The following FGF14 variants were observed in gnomAD, a reference collection of about 807,000 sequenced individuals.
The protein encoded by FGF14 is fibroblast growth factor 14, also known as fibroblast growth factor homologous factor 4.
FGF14 carries 5 observed loss-of-function variants against 25.5 expected under a neutral mutation model. That is an observed-to-expected ratio of 0.20 (90% CI 0.10 to 0.41). The LOEUF (loss-of-function observed/expected upper bound fraction) is 0.41, where lower values mean the gene tolerates loss of function less well. Among genes scored for constraint, FGF14 ranks in the 10% least tolerant of loss-of-function variants. The probability of loss-of-function intolerance (pLI) is 1.00; values close to 1 mark genes in which losing one functional copy is unlikely to be tolerated. For missense variants in FGF14, 222 were observed against 320.1 expected (o/e 0.69, Z 2.34); for synonymous variants, 138 against 118.3 (o/e 1.17, Z -1.08).
chr13:101,853,233 C>G (rs1274699752), intron 3 of FGF14, among the ~76,000 whole-genome samples: 2 of 152,024 alleles, frequency 1.3e-5, no homozygotes, highest in Admixed American at 6.6e-5. Context: ...CCAAGACAAC[C>G]TTTCTGTCAC....
intron 1 of FGF14, among the ~76,000 whole-genome samples, chr13:102,193,223 G>A (rs548325853): frequency 3.9e-5 from 6 of 152,134 alleles, no homozygotes; most frequent in Non-Finnish European, 5.9e-5. Flanking sequence ...GCCAGGTTCT[G>A]GTGGGAGCTC....
chr13:101,799,045 G>A (rs1412272491), intron 3 of FGF14, among the ~76,000 whole-genome samples: 6 of 151,888 alleles, frequency 4.0e-5, no homozygotes, highest in African/African-American at 7.3e-5. Flanking sequence ...ATACATATAC[G>A]GTAAACACAA....
chr13:102,303,856 A>G (rs927602428), intron 1 of FGF14, among the ~76,000 whole-genome samples: 2 of 152,220 alleles, frequency 1.3e-5, no homozygotes, highest in East Asian at 3.8e-4. Context: ...AACTGCACAC[A>G]GTAGGTAAAG....
intron 1 of FGF14, among the ~76,000 whole-genome samples, chr13:101,998,065 T>C (rs933969182): frequency 9.9e-5 from 15 of 152,280 alleles, no homozygotes; most frequent in African/African-American, 3.4e-4. Context: ...TCTTTTACGA[T>C]ACTTGGAACT....
At chr13:102,276,491 G>C (rs993840871) in intron 1 of FGF14, among the ~76,000 whole-genome samples, 1 of 151,454 alleles carries the variant, frequency 6.6e-6, no homozygotes, top group African/African-American at 2.4e-5. Context: ...AATGTTCATT[G>C]CATCTGACAC....
At chr13:102,176,424 G>A (rs1025282801) in intron 1 of FGF14, among the ~76,000 whole-genome samples, 1 of 152,104 alleles carries the variant, frequency 6.6e-6, no homozygotes, top group Non-Finnish European at 1.5e-5. Context: ...CAAAGCTGAG[G>A]AGAGTAGAAG....
chr13:101,859,721 T>A (rs1195612927), intron 3 of FGF14, among the ~76,000 whole-genome samples: 3 of 152,012 alleles, frequency 2.0e-5, no homozygotes, highest in Non-Finnish European at 4.4e-5. Context: ...TGGGCCCATA[T>A]GGGAACAACC....
intron 1 of FGF14, among the ~76,000 whole-genome samples, chr13:102,161,627 AG>A (rs1339183195): frequency 4.8e-5 from 1 of 20,846 alleles, no homozygotes; most frequent in African/African-American, 4.6e-4. Context: ...AAGAAGAAGA[AG>A]AAGAAGAAGA....
intron 1 of FGF14, among the ~76,000 whole-genome samples, chr13:102,139,799 C>A (rs935055274): frequency 6.6e-6 from 1 of 152,262 alleles, no homozygotes; most frequent in Admixed American, 6.5e-5. Context: ...CTTGATGCTG[C>A]AGGCTGGAGA....
chr13:102,253,058 C>T (rs773556873), intron 1 of FGF14, among the ~76,000 whole-genome samples: 2 of 152,170 alleles, frequency 1.3e-5, no homozygotes, highest in Non-Finnish European at 2.9e-5. Context: ...TATTCTTTAT[C>T]CAGTCTATAA....
chr13:102,295,226 C>A (rs1046663523), intron 1 of FGF14, among the ~76,000 whole-genome samples: 1 of 152,096 alleles, frequency 6.6e-6, no homozygotes, highest in Non-Finnish European at 1.5e-5. Flanking sequence ...GCCACTGGAG[C>A]GCATTTTTAT....
At chr13:102,368,230 T>G (rs1407836437) in intron 1 of FGF14, among the ~76,000 whole-genome samples, 1 of 152,220 alleles carries the variant, frequency 6.6e-6, no homozygotes, top group Non-Finnish European at 1.5e-5. Context: ...TAATACTTAT[T>G]TTGATAATTA....
chr13:101,965,826 T>A (rs1405683741), intron 1 of FGF14, among the ~76,000 whole-genome samples: 2 of 152,164 alleles, frequency 1.3e-5, no homozygotes, highest in Non-Finnish European at 2.9e-5. Flanking sequence ...AACCCCAGGA[T>A]GAGGTTACAG....
At chr13:102,213,313 G>A (rs1465068424) in intron 1 of FGF14, among the ~76,000 whole-genome samples, 2 of 152,120 alleles carry the variant, frequency 1.3e-5, no homozygotes, top group African/African-American at 2.4e-5. Flanking sequence ...TAAATGAAAG[G>A]GTTTAGAACC....
chr13:101,971,435 TTCTTGGC>T (rs2037587885), intron 1 of FGF14, among the ~76,000 whole-genome samples: 2 of 151,882 alleles, frequency 1.3e-5, no homozygotes, highest in South Asian at 4.2e-4. Flanking sequence ...CAGTGGCATG[TTCTTGGC>T]TCACTGCAAC....
intron 1 of FGF14, among the ~76,000 whole-genome samples, chr13:102,239,617 A>G (rs1198466398): frequency 1.3e-5 from 2 of 151,304 alleles, no homozygotes; most frequent in Non-Finnish European, 3.0e-5. Context: ...AGTAAAAAAT[A>G]AAGATTATGA....
At chr13:101,763,676 A>G (rs984231627) in intron 3 of FGF14, among the ~76,000 whole-genome samples, 5 of 152,256 alleles carry the variant, frequency 3.3e-5, no homozygotes, top group African/African-American at 1.2e-4. Flanking sequence ...CCTGACCAAC[A>G]TGGTGAAACC....
In FGF14 at chr13:101,710,953, G is replaced by A. The variant is rs1332210738; in HGVS notation, c.*11878C>T. 6.6e-6 allele frequency: 1 copy of A among 152,246 alleles called. No individual in the cohort carries two copies. Among genetic ancestry groups the A allele is most frequent in the African/African-American group, 2.4e-5 (1 of 41,464 alleles). 9.4% of individuals were successfully genotyped at this position (152,246 alleles called of 1,614,324 possible). On this transcript the variant is annotated 3_prime_UTR_variant, in exon 5 of 5. Coordinates refer to ENST00000376143, the MANE Select transcript of FGF14 (RefSeq NM_004115.4). Reference sequence around the variant, plus strand: ...AATAGTGAAAACTGCCTGCTGGGATGTCAGGTTGCAGCATTTTGTCAGGCT... The same window carrying A: ...AATAGTGAAAACTGCCTGCTGGGATATCAGGTTGCAGCATTTTGTCAGGCT...
rs2052227573 is a variant in FGF14, at chr13:102,252,459, G to A, written c.208+149012C>T. Among the ~76,000 whole-genome samples the A allele has an allele frequency of 2.6e-5, 4 of 152,222 alleles. No homozygotes were observed. In the South Asian group the frequency reaches 8.3e-4, roughly 32 times the overall value. ...TGGTATCCGAGGGGACTGGTTCCAG[G>A]ACCTCCCAGAGATGCCCAAATCTGC... On this transcript the variant is annotated intron_variant, in intron 1 of 4. Transcript: ENST00000376131.
Sources: allele counts gnomAD v4.1 joint callset (sites outside exome capture counted in the v4.1 genomes callset), GRCh38; gene constraint gnomAD v4.1.1; transcripts MANE v1.5; gene names NCBI Gene and HGNC (gene_info 2026-07-23, HGNC 2026-07-21).